The following PCDHGA1 variants were observed in gnomAD, a reference collection of about 807,000 sequenced individuals.
PCDHGA1 encodes protocadherin gamma subfamily A, 1, also known as protocadherin gamma-A1.
Under a neutral mutation model 58.0 loss-of-function variants are expected in PCDHGA1, and 32 were observed. The ratio of observed to expected loss-of-function variants is 0.55; its 90% CI spans 0.42 to 0.74. The LOEUF is 0.74. Ranked by LOEUF, PCDHGA1 falls within the 30% of genes least tolerant of loss-of-function variation. PCDHGA1 has a pLI of 0.00. For missense variants in PCDHGA1, 1,205 were observed against 1,182.3 expected (o/e 1.02, Z -0.28); for synonymous variants, 498 against 501.1 (o/e 0.99, Z 0.08).
Position 141,331,287 on chromosome 5 carries a change from C to T in PCDHGA1, c.603C>T (p.Asp201=). Reference sequence around the variant, plus strand: ...AGATGGTGCTGCAGAGTCCCTTAGACAGAGAAGAAGAAGCTGTCCACCACC... The same window carrying T: ...AGATGGTGCTGCAGAGTCCCTTAGATAGAGAAGAAGAAGCTGTCCACCACC... ...HPEMVLQSPL[D]REEEAVHHLI... is the part of the protein sequence containing the mutation. Residue 201 remains aspartate, a synonymous_variant, in exon 1 of 4, where the codon GAC becomes GAT. Transcript: ENST00000517417. 1 of 1,614,044 alleles carries T rather than the reference C, an allele frequency of 6.2e-7. No homozygotes were observed. Among genetic ancestry groups the T allele is most frequent in the Non-Finnish European group, 8.5e-7 (1 of 1,180,006 alleles).
chr5:141,386,228 G>A (rs2090502520), intron 1 of PCDHGA1, among the ~76,000 whole-genome samples: 1 of 152,100 alleles, frequency 6.6e-6, no homozygotes, highest in Non-Finnish European at 1.5e-5. Context: ...TAGGTCTACT[G>A]AAAAATTCAG....
At chr5:141,428,551 G>A (rs1192248816) in intron 1 of PCDHGA1, 1 of 254,070 alleles carries the variant, frequency 3.9e-6, no homozygotes, top group Non-Finnish European at 7.8e-6. Flanking sequence ...ACCAGAAACA[G>A]TCCCCCCACA....
At position 141,345,578 on chromosome 5, in the gene PCDHGA1, C is replaced by G. The variant is rs757613840; in HGVS notation, c.2421+12473C>G. 6 of 1,614,090 alleles carry G rather than the reference C, an allele frequency of 3.7e-6. No homozygotes were observed. The African/African-American group carries it at 8.0e-5, about 22-fold the overall frequency. ...TCAACTCCAACACTGGCGTCCTATA[C>G]GCGCTGAGATCCTTCGACTACGAGC... is the stretch of plus-strand genomic sequence containing the variant. On this transcript the variant is annotated intron_variant, in intron 1 of 3. Transcript: ENST00000517417.
chr5:141,362,084 G>T lies in PCDHGA1; in HGVS notation c.2421+28979G>T, dbSNP rs373978037. 6.6e-5 allele frequency: 107 copies of T among 1,613,188 alleles called. No homozygotes were observed. In the African/African-American group the frequency reaches 1.3e-3, roughly 20 times the overall value. The stretch of plus-strand genomic sequence containing the variant: ...CTGCTGGTCGCTGTGCGTGATGGAG[G>T]ACAGCCGCCACTCTCCGCTACGGCC... On this transcript the variant is annotated intron_variant, in intron 1 of 3. Coordinates refer to ENST00000517417, the MANE Select transcript of PCDHGA1 (RefSeq NM_018912.3).
chr5:141,399,925 C>A (rs779347793), intron 1 of PCDHGA1: 3 of 1,612,364 alleles, frequency 1.9e-6, no homozygotes, highest in South Asian at 1.1e-5. Flanking sequence ...CAACGCCTGG[C>A]TGTCCTACCA....
chr5:141,432,511 C>T lies in PCDHGA1; in HGVS notation c.2422-62296C>T. ...AGCTGGCTCCCCGCTCCGCAGAGCC[C>T]GGCTACCTGGTGACCAAGGTGGTGG... is the stretch of plus-strand genomic sequence containing the variant. On this transcript the variant is annotated intron_variant, in intron 1 of 3. Coordinates refer to ENST00000517417, the MANE Select transcript of PCDHGA1 (RefSeq NM_018912.3). This position sits in a 1 kb window ranked among gnomAD's most constrained non-coding sequence, Gnocchi z 6.0. 1 of 1,614,118 alleles carries T rather than the reference C, an allele frequency of 6.2e-7. No homozygotes were observed. The highest frequency in any genetic ancestry group is 8.5e-7 in the Non-Finnish European group (1 of 1,180,042).
Position 141,387,739 on chromosome 5 carries a change from C to A in PCDHGA1, c.2421+54634C>A, listed in dbSNP as rs182945836. 5.0e-3 allele frequency: 6,618 copies of A among 1,328,550 alleles called. 35 individuals are homozygous for A. Among genetic ancestry groups the A allele is most frequent in the Admixed American group, 0.01 (369 of 36,562 alleles). The allele number at this position is 1,328,550 out of a possible 1,614,324, so 82.3% of individuals were successfully genotyped here. ...AGACTCCCCAGCGCCAGCCTTTACA[C>A]CGCTTCCTCCTCGGAAAAAGAAGAA... On this transcript the variant is annotated intron_variant, in intron 1 of 3. Transcript: ENST00000517417.
intron 1 of PCDHGA1, chr5:141,350,612 G>T: frequency 6.2e-7 from 1 of 1,614,070 alleles, no homozygotes; most frequent in South Asian, 1.1e-5. Context: ...CCACGTGGTT[G>T]TTGTAATCCA....
In PCDHGA1 at chr5:141,490,442, A is replaced by T. The variant is rs757900187; in HGVS notation, c.2422-4365A>T. On this transcript the variant is annotated intron_variant, in intron 1 of 3. Transcript: ENST00000517417. The surrounding 1 kb of genome is among the most constrained non-coding windows in gnomAD (Gnocchi z 5.4). ...CTGCCATTTCAGATTAAGCCTTCTG[A>T]GAACCACTACTCGCTGCTAACCAGC... 16 of 1,614,092 alleles carry T rather than the reference A, an allele frequency of 9.9e-6. No individual in the cohort carries two copies. Among genetic ancestry groups the T allele is most frequent in the Non-Finnish European group, 1.2e-5 (14 of 1,180,044 alleles).
chr5:141,410,154 A>C (rs1254712035), intron 1 of PCDHGA1: 1 of 1,612,962 alleles, frequency 6.2e-7, no homozygotes, highest in Non-Finnish European at 8.5e-7. Flanking sequence ...GACGGTGGAC[A>C]GCCGCCACTC....
In PCDHGA1 at chr5:141,355,299, C is replaced by T. The variant is rs537879124; in HGVS notation, c.2421+22194C>T. On this transcript the variant is annotated intron_variant, in intron 1 of 3. Transcript: ENST00000517417. ...AAATCAGGGCCGAACAGATTCTCTA[C>T]TCGGTGTTTGAGGAGCAGGAAGAAG... 2.9e-4 allele frequency: 464 copies of T among 1,613,922 alleles called. 4 individuals carry two copies. In the East Asian group the frequency reaches 7.4e-3, roughly 26 times the overall value.
rs370518334 is a variant in PCDHGA1 at position 141,344,809 on chromosome 5, C to G, written c.2421+11704C>G. The G allele has an allele frequency of 4.3e-6, 7 of 1,613,834 alleles. No individual in the cohort carries two copies. In the African/African-American group the frequency reaches 5.3e-5, roughly 12 times the overall value. On this transcript the variant is annotated intron_variant, in intron 1 of 3. Coordinates refer to ENST00000517417, the MANE Select transcript of PCDHGA1 (RefSeq NM_018912.3). The stretch of plus-strand genomic sequence containing the variant: ...GTTTGGGAGAACGTGCCTGTGGGTA[C>G]CCGGCTGCTCACGGTGAATGCCACT...
chr5:141,333,254 T>C, intron 1 of PCDHGA1, 149 bp downstream of exon 1: 1 of 1,128,420 alleles, frequency 8.9e-7, no homozygotes, highest in African/African-American at 1.6e-5. Context: ...CACGATTGAG[T>C]CTACACGTTC....
chr5:141,376,009 A>G lies in PCDHGA1; in HGVS notation c.2421+42904A>G, dbSNP rs111388524. 32 of 1,613,224 alleles carry G rather than the reference A, an allele frequency of 2.0e-5. No homozygotes were observed. In the South Asian group the frequency reaches 3.5e-4, roughly 18 times the overall value. On this transcript the variant is annotated intron_variant, in intron 1 of 3. Transcript: ENST00000517417. ...ACAGAGACGCGCTCAAGCAGAGCCT[A>G]GTGGTGGCCGTCCAGGACCACGGCC...
chr5:141,438,180 A>G (rs2097937602), intron 1 of PCDHGA1, among the ~76,000 whole-genome samples: 1 of 152,204 alleles, frequency 6.6e-6, no homozygotes, highest in African/African-American at 2.4e-5. Context: ...AATATTTTAT[A>G]AAGGATGAGA....
intron 2 of PCDHGA1, among the ~76,000 whole-genome samples, chr5:141,503,638 T>C (rs1467962880): frequency 1.3e-5 from 2 of 151,908 alleles, no homozygotes; most frequent in Non-Finnish European, 2.9e-5. Flanking sequence ...AAATAATTAT[T>C]GAATCAATGG....
intron 1 of PCDHGA1, among the ~76,000 whole-genome samples, chr5:141,472,980 C>CAAAAAAAAAAAAAAAAA (rs60579131): frequency 5.8e-5 from 5 of 86,060 alleles, no homozygotes; most frequent in African/African-American, 3.9e-5. Context: ...GAGTGAAACT[C>CAAAAAAAAAAAAAAAAA]AAAAAAAAAA....
chr5:141,401,356 G>A (rs1274587222), intron 1 of PCDHGA1, among the ~76,000 whole-genome samples: 1 of 152,070 alleles, frequency 6.6e-6, no homozygotes, highest in Non-Finnish European at 1.5e-5. Flanking sequence ...AAAAAGGAAG[G>A]AGAAGGAGAG....
chr5:141,457,972 A>AC (rs1198043621), intron 1 of PCDHGA1, among the ~76,000 whole-genome samples: 4 of 152,218 alleles, frequency 2.6e-5, no homozygotes, highest in African/African-American at 9.6e-5. Flanking sequence ...TTAAAGGGAA[A>AC]CACACCCTTT....
Sources: gnomAD v4.1 joint callset for allele counts (sites outside exome capture counted in the v4.1 genomes callset) on GRCh38, gnomAD v4.1.1 for gene constraint, Gnocchi (gnomAD v3.1) non-coding constraint, MANE v1.5 for transcripts, NCBI Gene and HGNC (gene_info 2026-07-23, HGNC 2026-07-21) for gene names.